Variants in CHD9 observed in about 807,000 individuals in gnomAD.
The protein encoded by CHD9 is chromodomain helicase DNA binding protein 9.
In CHD9, 77 loss-of-function variants were observed where a neutral mutation model predicts 316.1. The ratio of observed to expected loss-of-function variants is 0.24; its 90% CI spans 0.20 to 0.29. The LOEUF (loss-of-function observed/expected upper bound fraction) is 0.29, where lower values mean the gene tolerates loss of function less well. Among genes scored for constraint, CHD9 ranks in the 10% least tolerant of loss-of-function variants. The pLI is 1.00. For synonymous variants in CHD9, 1,129 were observed against 1,158.3 expected, an observed-to-expected ratio of 0.97 and a Z score of 0.51; for missense variants, 2,763 against 3,438.1, an observed-to-expected ratio of 0.80 and a Z score of 4.91.
chr16:53,069,786 G>A (rs1389377861), intron 1 of CHD9, among the ~76,000 whole-genome samples: 1 of 152,108 alleles, frequency 6.6e-6, no homozygotes, highest in Non-Finnish European at 1.5e-5. Context: ...TGGTAATTCT[G>A]TGTGCCATTT....
rs190376671 is a variant in CHD9, at chr16:53,139,697, C to G, written c.-164-16229C>G. 3.8e-4 allele frequency among the ~76,000 whole-genome samples: 58 copies of G among 152,292 alleles called. 1 individual carries two copies. The highest frequency in any genetic ancestry group is 6.8e-4 in the Non-Finnish European group (46 of 68,026). ...GCTACATTTAGTTAAGCACTTACTA[C>G]TGTATGTTGAGCATATTCTTTCGAA... On this transcript the variant is annotated intron_variant, in intron 1 of 38. Coordinates refer to ENST00000447540, the MANE Select transcript of CHD9 (RefSeq NM_001308319.2).
intron 2 of CHD9, among the ~76,000 whole-genome samples, chr16:53,199,835 C>T (rs1236004411): frequency 6.6e-6 from 1 of 152,148 alleles, no homozygotes; most frequent in Non-Finnish European, 1.5e-5. Context: ...GCTTGAAATA[C>T]GGTGGGGTTA....
chr16:53,293,380 C>T (rs1380214922), intron 29 of CHD9, among the ~76,000 whole-genome samples: 1 of 151,972 alleles, frequency 6.6e-6, no homozygotes, highest in African/African-American at 2.4e-5. Context: ...TTTGGGAGGC[C>T]GAGGTGGGAA....
chr16:53,313,961 A>T (rs1377771626), intron 34 of CHD9, among the ~76,000 whole-genome samples: 2 of 152,084 alleles, frequency 1.3e-5, no homozygotes, highest in Non-Finnish European at 2.9e-5. Context: ...TCCAAAAAAA[A>T]AAAACAAAAA....
intron 1 of CHD9, among the ~76,000 whole-genome samples, chr16:53,108,433 A>T (rs1006202130): frequency 2.0e-5 from 3 of 152,068 alleles, no homozygotes; most frequent in Non-Finnish European, 2.9e-5. Context: ...TGAGCCCAGG[A>T]GGTGGAGGCT....
At chr16:53,309,698 C>T (rs2056298916) in intron 34 of CHD9, among the ~76,000 whole-genome samples, 2 of 152,180 alleles carry the variant, frequency 1.3e-5, no homozygotes, top group African/African-American at 2.4e-5. Flanking sequence ...AAACTCCTGA[C>T]CTCAAACGAT....
At chr16:53,217,660 C>T (rs2046870785) in intron 3 of CHD9, among the ~76,000 whole-genome samples, 2 of 152,060 alleles carry the variant, frequency 1.3e-5, no homozygotes, top group Non-Finnish European at 2.9e-5. Flanking sequence ...TACCTAGATA[C>T]CATTTTAGAA....
intron 1 of CHD9, among the ~76,000 whole-genome samples, chr16:53,077,677 A>G (rs976864104): frequency 9.9e-5 from 15 of 152,216 alleles, no homozygotes; most frequent in Non-Finnish European, 1.8e-4. Flanking sequence ...GTACGTTTAC[A>G]ATATGTAATG....
At chr16:53,154,555 G>A (rs1410525511) in intron 1 of CHD9, among the ~76,000 whole-genome samples, 1 of 152,152 alleles carries the variant, frequency 6.6e-6, no homozygotes, top group Non-Finnish European at 1.5e-5. Flanking sequence ...TAGGGAAATG[G>A]GGTGTGGTGG....
intron 1 of CHD9, among the ~76,000 whole-genome samples, chr16:53,138,350 G>A (rs2039870457): frequency 2.0e-5 from 3 of 152,184 alleles, no homozygotes. Context: ...ACATTTGGAG[G>A]ATATAGTAGT....
At chr16:53,241,013 T>G (rs1485817439) in intron 12 of CHD9, among the ~76,000 whole-genome samples, 1 of 152,070 alleles carries the variant, frequency 6.6e-6, no homozygotes, top group East Asian at 1.9e-4. Flanking sequence ...ATATCCCAGG[T>G]TTTTAGAGCT....
Position 53,324,536 on chromosome 16 carries a change from A to G in CHD9, c.8335A>G (p.Thr2779Ala). Reference sequence around the variant, plus strand: ...GTCAAGTTCTCCTTCCACATCCTCTACTGCTGCATTAAATACAGCTGCAGC... The same window carrying G: ...GTCAAGTTCTCCTTCCACATCCTCTGCTGCTGCATTAAATACAGCTGCAGC... The part of the protein sequence containing the change: ...SVSSSPSTSS[T>A]AALNTAAAAN... Residue 2779 changes from threonine to alanine, a missense_variant, in exon 39 of 39, where the codon ACT becomes GCT. This residue lies in a region of CHD9 where 298 missense variants were observed against 380.2 expected (regional missense o/e 0.78). Transcript: ENST00000447540. 2.5e-6 allele frequency: 4 copies of G among 1,613,764 alleles called. No individual in the cohort carries two copies. Among genetic ancestry groups the G allele is most frequent in the South Asian group, 1.1e-5 (1 of 91,088 alleles).
At chr16:53,292,786 A>G in intron 28 of CHD9, 47 bp from the exon 29 acceptor site, 2 of 1,472,640 alleles carry the variant, frequency 1.4e-6, no homozygotes, top group Non-Finnish European at 1.9e-6. Context: ...TGTGAGCTTC[A>G]TACAGTATCT....
chr16:53,140,466 T>C (rs772087192), intron 1 of CHD9, among the ~76,000 whole-genome samples: 3 of 151,462 alleles, frequency 2.0e-5, no homozygotes, highest in Non-Finnish European at 4.4e-5. Context: ...TTGGGTGTAA[T>C]GTTCAGGACC....
At chr16:53,118,482 C>T (rs1459170603) in intron 1 of CHD9, among the ~76,000 whole-genome samples, 1 of 152,152 alleles carries the variant, frequency 6.6e-6, no homozygotes, top group African/African-American at 2.4e-5. Flanking sequence ...TCACTAACTG[C>T]TTAACATCTA....
chr16:53,146,439 T>TATATATATATATATA (rs2040630800), intron 1 of CHD9, among the ~76,000 whole-genome samples: 1 of 46,308 alleles, frequency 2.2e-5, no homozygotes, highest in Non-Finnish European at 4.3e-5. Context: ...ATATATATAA[T>TATATATATATATATA]TAAAAAGTTC....
At chr16:53,290,630 A>G (rs1032330235) in intron 27 of CHD9, among the ~76,000 whole-genome samples, 1 of 151,988 alleles carries the variant, frequency 6.6e-6, no homozygotes, top group Non-Finnish European at 1.5e-5. Flanking sequence ...CCCTACAACA[A>G]ATAAAAAAAA....
chr16:53,144,889 G>A (rs2040439236), intron 1 of CHD9, among the ~76,000 whole-genome samples: 1 of 151,676 alleles, frequency 6.6e-6, no homozygotes, highest in Non-Finnish European at 1.5e-5. Flanking sequence ...CTACTCAGGA[G>A]GCAGAGGTGG....
intron 24 of CHD9, among the ~76,000 whole-genome samples, chr16:53,284,767 G>A (rs1397126287): frequency 2.0e-5 from 3 of 152,062 alleles, no homozygotes; most frequent in Non-Finnish European, 4.4e-5. Flanking sequence ...CAGCATTTGA[G>A]TGTTTTTTGT....
Sources: allele counts gnomAD v4.1 joint callset (sites outside exome capture counted in the v4.1 genomes callset), GRCh38; gene constraint gnomAD v4.1.1; regional missense constraint gnomAD v4.1.1; transcripts MANE v1.5; gene names NCBI Gene and HGNC (gene_info 2026-07-23, HGNC 2026-07-21).